The following CDH18 variants were observed in gnomAD, a reference collection of about 807,000 sequenced individuals.
CDH18 encodes cadherin-18.
Under a neutral mutation model 67.9 loss-of-function variants are expected in CDH18, and 31 were observed. The observed-to-expected ratio is 0.46, with a 90% confidence interval of 0.34 to 0.62. CDH18 has a LOEUF of 0.62. Ranked by LOEUF, CDH18 falls within the 20% of genes least tolerant of loss-of-function variation. CDH18 has a pLI of 0.01. For missense variants in CDH18, 890 were observed against 975.5 expected (o/e 0.91, Z 1.17); for synonymous variants, 362 against 347.2 (o/e 1.04, Z -0.48).
chr5:20,209,877 G>A (rs1740216515), intron 2 of CDH18, among the ~76,000 whole-genome samples: 2 of 151,538 alleles, frequency 1.3e-5, no homozygotes, highest in Non-Finnish European at 2.9e-5. Flanking sequence ...GTAATGGGAA[G>A]CCCAATTACC....
intron 2 of CDH18, among the ~76,000 whole-genome samples, chr5:20,032,841 T>C (rs1017025931): frequency 3.9e-5 from 6 of 151,944 alleles, no homozygotes; most frequent in African/African-American, 1.4e-4. Context: ...AGTAAAAAAA[T>C]AGATTAATTT....
intron 2 of CDH18, among the ~76,000 whole-genome samples, chr5:20,111,245 T>C (rs1747431628): frequency 1.3e-5 from 2 of 152,224 alleles, no homozygotes; most frequent in African/African-American, 2.4e-5. Flanking sequence ...TAAGTATTAC[T>C]TGTGCCTTGA....
chr5:19,849,955 A>G (rs1783507261), intron 2 of CDH18, among the ~76,000 whole-genome samples: 1 of 151,774 alleles, frequency 6.6e-6, no homozygotes, highest in South Asian at 2.1e-4. Context: ...ATTTGAGTAC[A>G]GTTCTGTCTT....
At chr5:19,712,166 G>A (rs1764784011) in intron 5 of CDH18, among the ~76,000 whole-genome samples, 1 of 151,986 alleles carries the variant, frequency 6.6e-6, no homozygotes, top group African/African-American at 2.4e-5. Context: ...GGGTGGGCAG[G>A]AATGAGGAAC....
At chr5:19,617,874 T>C (rs572541995) in intron 5 of CDH18, among the ~76,000 whole-genome samples, 1 of 152,328 alleles carries the variant, frequency 6.6e-6, no homozygotes, top group Non-Finnish European at 1.5e-5. Context: ...TCTGTGATTA[T>C]AAACATTACT....
chr5:20,175,411 C>T (rs920530529), intron 2 of CDH18, among the ~76,000 whole-genome samples: 1 of 152,084 alleles, frequency 6.6e-6, no homozygotes, highest in Non-Finnish European at 1.5e-5. Context: ...GATACTGTTA[C>T]CTTTCCTTCT....
chr5:20,180,131 A>G (rs1473168826), intron 2 of CDH18, among the ~76,000 whole-genome samples: 1 of 152,102 alleles, frequency 6.6e-6, no homozygotes, highest in African/African-American at 2.4e-5. Flanking sequence ...ATGAATGGAC[A>G]TGCAGTCAGG....
chr5:19,515,145 C>A (rs1235123376), intron 10 of CDH18, among the ~76,000 whole-genome samples: 1 of 152,042 alleles, frequency 6.6e-6, no homozygotes, highest in Admixed American at 6.6e-5. Flanking sequence ...TGTCAAAAAT[C>A]AGTTGGTTGT....
At chr5:19,804,775 G>A (rs957382270) in intron 3 of CDH18, among the ~76,000 whole-genome samples, 5 of 152,150 alleles carry the variant, frequency 3.3e-5, no homozygotes, top group South Asian at 2.1e-4. Context: ...AGATACATAC[G>A]TCTATTACAA....
intron 1 of CDH18, among the ~76,000 whole-genome samples, chr5:20,446,232 G>A (rs1328664186): frequency 6.6e-6 from 1 of 152,144 alleles, no homozygotes; most frequent in Non-Finnish European, 1.5e-5. Context: ...TCCTTCTACA[G>A]AATGTGCTTG....
intron 5 of CDH18, among the ~76,000 whole-genome samples, chr5:19,710,525 A>G (rs1764574310): frequency 6.6e-6 from 1 of 152,112 alleles, no homozygotes; most frequent in South Asian, 2.1e-4. Flanking sequence ...TATTTTATTT[A>G]TCATGTTTCC....
At chr5:19,962,568 G>C (rs6892668) in intron 2 of CDH18, among the ~76,000 whole-genome samples, 1 of 151,640 alleles carries the variant, frequency 6.6e-6, no homozygotes, top group Non-Finnish European at 1.5e-5. Flanking sequence ...GAGATCAGGA[G>C]TATGAAACCA....
intron 1 of CDH18, among the ~76,000 whole-genome samples, chr5:20,529,315 C>G (rs1348748054): frequency 6.6e-6 from 1 of 151,316 alleles, no homozygotes; most frequent in African/African-American, 2.4e-5. Flanking sequence ...TGAATTCTAC[C>G]AGAGATACAA....
chr5:19,473,043 T>C lies in CDH18; in HGVS notation c.*183A>G, dbSNP rs1579641169. 2 of 557,994 alleles carry C rather than the reference T, an allele frequency of 3.6e-6. No individual in the cohort carries two copies. Among genetic ancestry groups the C allele is most frequent in the Non-Finnish European group, 6.0e-6 (2 of 331,846 alleles). The allele number at this position is 557,994 out of a possible 1,614,324, so 34.6% of individuals were successfully genotyped here. A position where few individuals can be genotyped will look rare whatever the true frequency, so the allele number is the denominator to read the frequency against. ...TCTTTGTATTGTCTTTTTTTTTTTT[T>C]TTTTACTTTCTTCCAATTAAATAAC... On this transcript the variant is annotated 3_prime_UTR_variant, in exon 13 of 13. Transcript: ENST00000382275.
At chr5:19,692,493 G>A (rs1762027787) in intron 5 of CDH18, among the ~76,000 whole-genome samples, 1 of 151,892 alleles carries the variant, frequency 6.6e-6, no homozygotes, top group Non-Finnish European at 1.5e-5. Flanking sequence ...TCTAACAAAT[G>A]ACTAATAGTC....
chr5:20,222,210 T>C (rs1343736568), intron 2 of CDH18, among the ~76,000 whole-genome samples: 1 of 152,144 alleles, frequency 6.6e-6, no homozygotes, highest in Non-Finnish European at 1.5e-5. Context: ...AGAATGAAGA[T>C]AGATGCAGAG....
chr5:20,493,356 TAAAAAAA>T (rs148292031), intron 1 of CDH18, among the ~76,000 whole-genome samples: 15 of 47,194 alleles, frequency 3.2e-4, no homozygotes, highest in Admixed American at 1.7e-3. Flanking sequence ...TTCAGAAAAT[TAAAAAAA>T]AAAAAAAAAA....
At chr5:19,796,582 T>C (rs1776883680) in intron 3 of CDH18, among the ~76,000 whole-genome samples, 1 of 151,774 alleles carries the variant, frequency 6.6e-6, no homozygotes, top group Non-Finnish European at 1.5e-5. Flanking sequence ...CTAAAGGGAG[T>C]TCTTCAAATA....
At chr5:19,596,313 T>G (rs1289216445) in intron 6 of CDH18, among the ~76,000 whole-genome samples, 1 of 152,132 alleles carries the variant, frequency 6.6e-6, no homozygotes, top group African/African-American at 2.4e-5. Context: ...TCCTGAAAAG[T>G]CACATCTATA....
Sources: gnomAD v4.1 joint callset for allele counts (sites outside exome capture counted in the v4.1 genomes callset) on GRCh38, gnomAD v4.1.1 for gene constraint, MANE v1.5 for transcripts, NCBI Gene and HGNC (gene_info 2026-07-23, HGNC 2026-07-21) for gene names.